The following ADAMTS6 variants were observed in gnomAD, a reference collection of about 807,000 sequenced individuals.
ADAMTS6 encodes A disintegrin and metalloproteinase with thrombospondin motifs 6.
A neutral mutation model predicts 144.3 loss-of-function variants in ADAMTS6; 23 were observed. The observed-to-expected ratio is 0.16, with a 90% CI of 0.11 to 0.23. ADAMTS6 has a LOEUF of 0.23. Among genes scored for constraint, ADAMTS6 ranks in the 10% least tolerant of loss-of-function variants. The probability of loss-of-function intolerance (pLI) is 1.00; values close to 1 mark genes in which losing one functional copy is unlikely to be tolerated. For missense variants in ADAMTS6, 999 were observed against 1,379.6 expected, an observed-to-expected ratio of 0.72 and a Z score of 4.37; for synonymous variants, 444 against 457.5, an observed-to-expected ratio of 0.97 and a Z score of 0.38.
intron 2 of ADAMTS6, among the ~76,000 whole-genome samples, chr5:65,472,199 C>A (rs952780814): frequency 2.6e-4 from 39 of 152,252 alleles, no homozygotes; most frequent in African/African-American, 9.4e-4. Flanking sequence ...TGCCACATAT[C>A]ATTGCATTTA....
At position 65,314,021 on chromosome 5, in the gene ADAMTS6, A is replaced by G. The variant is rs149547096; in HGVS notation, c.1224-13890T>C. 2.4e-3 allele frequency among the ~76,000 whole-genome samples: 358 copies of G among 152,268 alleles called. 1 individual carries two copies. The highest frequency in any genetic ancestry group is 8.2e-3 in the African/African-American group (343 of 41,576). On this transcript the variant is annotated intron_variant, in intron 9 of 24. Transcript: ENST00000381055. Reference sequence around the variant, plus strand: ...GAAACATGGGCAAAAAAGATAAAACAACCATCAGAGCTAGATTAAATATGA... The same window carrying G: ...GAAACATGGGCAAAAAAGATAAAACGACCATCAGAGCTAGATTAAATATGA...
Position 65,349,527 on chromosome 5 carries a change from A to G in ADAMTS6, c.1074-15442T>C, listed in dbSNP as rs1375876737. On this transcript the variant is annotated intron_variant, in intron 7 of 24. Coordinates refer to ENST00000381055, the MANE Select transcript of ADAMTS6 (RefSeq NM_197941.4). The stretch of plus-strand genomic sequence containing the variant: ...AAGAAACAGCTGTCCTTTGCCTTTT[A>G]AAGTTTTGTGTAGTTAAAAGAAAGT... Among the ~76,000 whole-genome samples, 16 of 152,240 alleles carry G rather than the reference A, an allele frequency of 1.1e-4. No individual in the cohort carries two copies. The East Asian group carries it at 2.9e-3, about 28-fold the overall frequency.
chr5:65,349,804 G>T lies in ADAMTS6; in HGVS notation c.1074-15719C>A, dbSNP rs77354284. On this transcript the variant is annotated intron_variant, in intron 7 of 24. Transcript: ENST00000381055. ...CAAGAGGCGGAGGTTGCAGTGAGCC[G>T]AGATCGTGCCACTACACTCCAGCTG... is the stretch of plus-strand genomic sequence containing the variant. 5.0e-4 allele frequency among the ~76,000 whole-genome samples: 76 copies of T among 151,056 alleles called. No individual in the cohort carries two copies. The South Asian group carries it at 0.016, about 31-fold the overall frequency.
At chr5:65,471,262 T>C (rs770649384) in intron 2 of ADAMTS6, 120 bp from the exon 3 acceptor site, 3 of 946,722 alleles carry the variant, frequency 3.2e-6, no homozygotes, top group African/African-American at 1.7e-5. Flanking sequence ...TGAATCATTA[T>C]ATGTGAGGTA....
Position 65,179,085 on chromosome 5 carries a change from G to A in ADAMTS6, c.2911-6077C>T, listed in dbSNP as rs149926984. 3.4e-3 allele frequency among the ~76,000 whole-genome samples: 522 copies of A among 152,286 alleles called. 2 individuals carry two copies. The highest frequency in any genetic ancestry group is 5.7e-3 in the Non-Finnish European group (390 of 68,022). ...CACACCCGGAAGCTGACTGGTCCAC[G>A]CATGGCCGAAGCATGAGAAAACTCA... On this transcript the variant is annotated intron_variant, in intron 22 of 24. Transcript: ENST00000381055.
chr5:65,415,941 G>T, intron 7 of ADAMTS6: 1 of 181,482 alleles, frequency 5.5e-6, no homozygotes, highest in Non-Finnish European at 1.2e-5. Flanking sequence ...TGTGCCCAGG[G>T]GCACTGGGAT....
Position 65,452,735 on chromosome 5 carries a change from T to G in ADAMTS6, c.815A>C (p.Glu272Ala). 1 of 1,614,110 alleles carries G rather than the reference T, an allele frequency of 6.2e-7. No individual in the cohort carries two copies. Among genetic ancestry groups the G allele is most frequent in the Non-Finnish European group, 8.5e-7 (1 of 1,179,950 alleles). Residue 272 changes from glutamate (E) to alanine (A), a missense_variant, in exon 5 of 25, where the codon GAA (glutamate) becomes GCA (alanine). By Grantham distance (107) the Glu-to-Ala change is moderately radical (BLOSUM62 -1). Coordinates refer to ENST00000381055, the MANE Select transcript of ADAMTS6 (RefSeq NM_197941.4). ...ATTCATCACACTCAAAATGTAATGT[T>G]CAATGTCTTTGCGGCCATGGTAGCC... ...MVGYHGRKDIEHYILSVMNIV... is the reference protein window; with the variant it reads ...MVGYHGRKDIAHYILSVMNIV...
chr5:65,246,154 G>A (rs553631519), intron 14 of ADAMTS6, among the ~76,000 whole-genome samples: 4 of 152,060 alleles, frequency 2.6e-5, no homozygotes, highest in Non-Finnish European at 5.9e-5. Flanking sequence ...GCAATTATTC[G>A]CAGGTTCTTC....
intron 15 of ADAMTS6, among the ~76,000 whole-genome samples, chr5:65,230,981 A>G (rs1222899625): frequency 1.7e-4 from 25 of 150,176 alleles, no homozygotes; most frequent in Admixed American, 3.3e-4. Flanking sequence ...GGAACAAAAA[A>G]AGTCTACAAA....
intron 14 of ADAMTS6, among the ~76,000 whole-genome samples, chr5:65,246,980 C>T (rs1036746362): frequency 5.3e-5 from 8 of 152,232 alleles, no homozygotes; most frequent in Admixed American, 3.9e-4. Flanking sequence ...AAGAATAATG[C>T]TTTTTAAATT....
intron 7 of ADAMTS6, among the ~76,000 whole-genome samples, chr5:65,399,429 C>T (rs946947232): frequency 6.6e-6 from 1 of 152,054 alleles, no homozygotes; most frequent in African/African-American, 2.4e-5. Flanking sequence ...TTCTTTGTTC[C>T]TATTTTTGTT....
At chr5:65,457,821 G>A (rs548401574) in intron 4 of ADAMTS6, among the ~76,000 whole-genome samples, 1 of 148,348 alleles carries the variant, frequency 6.7e-6, no homozygotes, top group East Asian at 2.0e-4. Flanking sequence ...CTGCATTCAG[G>A]GTTCAAGCAA....
At chr5:65,314,396 C>G (rs1255067039) in intron 9 of ADAMTS6, among the ~76,000 whole-genome samples, 1 of 151,826 alleles carries the variant, frequency 6.6e-6, no homozygotes, top group Admixed American at 6.6e-5. Context: ...AATTTTGAGA[C>G]AATATCTGAA....
intron 14 of ADAMTS6, among the ~76,000 whole-genome samples, chr5:65,259,987 G>T (rs577764561): frequency 8.1e-4 from 123 of 152,224 alleles, no homozygotes; most frequent in Non-Finnish European, 2.9e-5. Flanking sequence ...TCATTCAAGG[G>T]CTAAGAGAGA....
intron 7 of ADAMTS6, among the ~76,000 whole-genome samples, chr5:65,360,908 T>C (rs577509206): frequency 5.8e-4 from 89 of 152,354 alleles, no homozygotes; most frequent in African/African-American, 2.1e-3. Context: ...TTTAATAGTT[T>C]ACCATGCTTT....
At chr5:65,316,004 C>T (rs151311483) in intron 9 of ADAMTS6, among the ~76,000 whole-genome samples, 7,394 of 152,174 alleles carry the variant, frequency 0.049, 619 homozygotes, top group African/African-American at 0.17. Context: ...CTCTGCCTCC[C>T]GGGTTCAGGC....
At chr5:65,336,379 G>T (rs554667363) in intron 7 of ADAMTS6, among the ~76,000 whole-genome samples, 1 of 152,110 alleles carries the variant, frequency 6.6e-6, no homozygotes, top group South Asian at 2.1e-4. Flanking sequence ...GTTTTTCATT[G>T]CATTGAAGGA....
chr5:65,361,171 T>C (rs962297960), intron 7 of ADAMTS6, among the ~76,000 whole-genome samples: 8 of 152,096 alleles, frequency 5.3e-5, no homozygotes, highest in African/African-American at 1.9e-4. Flanking sequence ...AAATACAGAC[T>C]ACAGAAAGAA....
intron 9 of ADAMTS6, among the ~76,000 whole-genome samples, chr5:65,308,358 A>T (rs1479619146): frequency 2.6e-5 from 4 of 152,228 alleles, no homozygotes; most frequent in Admixed American, 1.3e-4. Flanking sequence ...AGTGTGACTT[A>T]TAAGGAAAAA....
Sources: gnomAD v4.1 joint callset for allele counts (sites outside exome capture counted in the v4.1 genomes callset) on GRCh38, gnomAD v4.1.1 for gene constraint, MANE v1.5 for transcripts, NCBI Gene and HGNC (gene_info 2026-07-23, HGNC 2026-07-21) for gene names.